The following VPS13D variants were observed in gnomAD, a reference collection of about 807,000 sequenced individuals.
VPS13D encodes intermembrane lipid transfer protein VPS13D.
A neutral mutation model predicts 461.9 loss-of-function variants in VPS13D; 187 were observed. The observed-to-expected ratio is 0.40, with a 90% CI of 0.36 to 0.46. The LOEUF (loss-of-function observed/expected upper bound fraction) is 0.46. VPS13D is among the 20% of genes least tolerant of loss of function. The pLI, the probability that VPS13D is intolerant of heterozygous loss-of-function variation, is 0.60. For synonymous variants in VPS13D, 1,951 were observed against 1,986.3 expected (o/e 0.98, Z 0.47); for missense variants, 4,711 against 5,364.9 (o/e 0.88, Z 3.81).
intron 13 of VPS13D, among the ~76,000 whole-genome samples, chr1:12,263,797 A>G (rs235209): frequency 0.041 from 6,273 of 152,300 alleles, 254 homozygotes; most frequent in African/African-American, 0.11. Flanking sequence ...TGAATTGAAA[A>G]GGCACTATTT....
chr1:12,246,495 A>AT lies in VPS13D; in HGVS notation c.447+1879dup, dbSNP rs200628581. On this transcript the variant is annotated intron_variant, in intron 5 of 69. Transcript: ENST00000620676. The stretch of plus-strand genomic sequence containing the variant: ...TTAAGTATAATGCAAATATTTCAAA[A>AT]TCCCCCCCAAAAATGAAATCCGGAA... 6.2e-3 allele frequency among the ~76,000 whole-genome samples: 941 copies of AT among 152,244 alleles called. 3 individuals carry two copies. The highest frequency in any genetic ancestry group is 0.024 in the Middle Eastern group (7 of 294).
At chr1:12,271,191 A>G (rs1045779663) in intron 17 of VPS13D, 67 bp downstream of exon 17, 2 of 1,599,340 alleles carry the variant, frequency 1.3e-6, no homozygotes, top group Non-Finnish European at 1.7e-6. Flanking sequence ...CCGTCAAGTC[A>G]CTACTTACTG....
At chr1:12,415,308 C>T in intron 64 of VPS13D, 87 bp downstream of exon 64, 1 of 1,538,002 alleles carries the variant, frequency 6.5e-7, no homozygotes, top group Non-Finnish European at 9.0e-7. Context: ...TAAGGCATTA[C>T]TATTGAGAAC....
intron 46 of VPS13D, among the ~76,000 whole-genome samples, chr1:12,351,273 A>G (rs762895169): frequency 9.2e-5 from 14 of 152,124 alleles, no homozygotes; most frequent in South Asian, 2.1e-4. Context: ...AAGAGGTGCA[A>G]ATATCATTAT....
chr1:12,312,061 A>G (rs1486328935), intron 29 of VPS13D, 136 bp downstream of exon 29: 2 of 701,210 alleles, frequency 2.9e-6, no homozygotes, highest in Admixed American at 2.7e-5. Flanking sequence ...CTTTTGGTTG[A>G]TCTACACAGT....
At chr1:12,247,917 C>A (rs1397614344) in intron 5 of VPS13D, among the ~76,000 whole-genome samples, 2 of 146,850 alleles carry the variant, frequency 1.4e-5, no homozygotes, top group African/African-American at 5.1e-5. Context: ...CAGTGTTGCT[C>A]TGTTGCCCAG....
intron 65 of VPS13D, among the ~76,000 whole-genome samples, chr1:12,442,626 G>A (rs2100347222): frequency 6.9e-6 from 1 of 145,554 alleles, no homozygotes; most frequent in East Asian, 2.0e-4. Context: ...GACAGGGTCT[G>A]GCTTTGTCAC....
chr1:12,273,946 T>C (rs1641531465), intron 18 of VPS13D, among the ~76,000 whole-genome samples: 1 of 152,206 alleles, frequency 6.6e-6, no homozygotes, highest in African/African-American at 2.4e-5. Context: ...TTCTGCAATG[T>C]AGACATATAT....
At chr1:12,403,483 A>G (rs1570103563) in intron 62 of VPS13D, among the ~76,000 whole-genome samples, 1 of 152,254 alleles carries the variant, frequency 6.6e-6, no homozygotes, top group African/African-American at 2.4e-5. Flanking sequence ...ATAAATTTAG[A>G]TAATCTGGGT....
chr1:12,382,817 A>G (rs755303269), intron 57 of VPS13D, among the ~76,000 whole-genome samples, 159 bp from the exon 58 acceptor site: 5 of 152,214 alleles, frequency 3.3e-5, no homozygotes, highest in African/African-American at 4.8e-5. Flanking sequence ...GTTTTTCATC[A>G]TCTGCAAAGC....
intron 69 of VPS13D, 60 bp from the exon 70 acceptor site, chr1:12,508,830 TGGA>T (rs1457238996): frequency 5.7e-6 from 9 of 1,581,782 alleles, no homozygotes; most frequent in Non-Finnish European, 7.7e-6. Flanking sequence ...GCCACCTGGG[TGGA>T]TCTGATTCCT....
chr1:12,263,763 T>C (rs1442947859), intron 13 of VPS13D, among the ~76,000 whole-genome samples: 1 of 152,242 alleles, frequency 6.6e-6, no homozygotes, highest in East Asian at 1.9e-4. Context: ...ATAAACTTAG[T>C]ATTAACTAGC....
chr1:12,306,367 A>G lies in VPS13D; in HGVS notation c.6439+1639A>G, dbSNP rs116269773. On this transcript the variant is annotated intron_variant, in intron 26 of 69. Coordinates refer to ENST00000620676, the MANE Select transcript of VPS13D (RefSeq NM_015378.4). ...CAGAACCGAATTGTAACTGAACATG[A>G]TACTGCTTGCCAGTCTGTCTGCATG... Among the ~76,000 whole-genome samples, 532 of 152,218 alleles carry G rather than the reference A, an allele frequency of 3.5e-3. 5 individuals carry two copies. The highest frequency in any genetic ancestry group is 0.012 in the African/African-American group (509 of 41,518).
intron 60 of VPS13D, among the ~76,000 whole-genome samples, chr1:12,399,898 T>C (rs1644551502): frequency 6.6e-6 from 1 of 152,224 alleles, no homozygotes; most frequent in Admixed American, 6.5e-5. Context: ...AATGGCTAAA[T>C]TGAGCTAATA....
chr1:12,318,591 G>A (rs17037980), intron 31 of VPS13D, among the ~76,000 whole-genome samples: 3,022 of 152,232 alleles, frequency 0.02, 131 homozygotes, highest in Admixed American at 0.11. Context: ...CCGAGCACCC[G>A]CCTGGGCAGT....
chr1:12,358,314 C>T, intron 49 of VPS13D, 145 bp from the exon 50 acceptor site: 1 of 1,122,230 alleles, frequency 8.9e-7, no homozygotes, highest in Non-Finnish European at 1.2e-6. Flanking sequence ...TGTCACTGTG[C>T]TAGGGAATCA....
intron 57 of VPS13D, among the ~76,000 whole-genome samples, chr1:12,381,760 A>G (rs936609407): frequency 1.3e-5 from 2 of 152,106 alleles, no homozygotes; most frequent in African/African-American, 2.4e-5. Context: ...TTCTTTGTCT[A>G]TAAATTTGTT....
chr1:12,319,573 C>T lies in VPS13D; in HGVS notation c.7491C>T (p.Leu2497=), dbSNP rs1642979357. The T allele has an allele frequency of 6.2e-6, 10 of 1,614,058 alleles. No individual in the cohort carries two copies. The highest frequency in any genetic ancestry group is 1.3e-5 in the African/African-American group (1 of 74,920). ...TTATTCTGAAAGGCACCACAGTGCT[C>T]ACCTATAAGCCCCGGTTTGTTGATC... The part of the protein sequence containing the change: ...NAIILKGTTV[L]TYKPRFVDRP... Residue 2497 remains leucine (L), a synonymous_variant, in exon 32 of 70, where the codon CTC becomes CTT. Transcript: ENST00000620676.
At chr1:12,499,513 G>A in intron 68 of VPS13D, 1 of 985,388 alleles carries the variant, frequency 1.0e-6, no homozygotes, top group Non-Finnish European at 1.2e-6. Flanking sequence ...ACATAGGACT[G>A]CTCCCAGTGA....
Sources: gnomAD v4.1 joint callset for allele counts (sites outside exome capture counted in the v4.1 genomes callset) on GRCh38, gnomAD v4.1.1 for gene constraint, MANE v1.5 for transcripts, NCBI Gene and HGNC (gene_info 2026-07-23, HGNC 2026-07-21) for gene names.